FAM91A1: variants seen among roughly 807,000 people sequenced by gnomAD.
FAM91A1 encodes the protein family with sequence similarity 91 member A1, also known as protein FAM91A1.
FAM91A1 carries 41 observed loss-of-function variants against 113.5 expected under a neutral mutation model. The ratio of observed to expected loss-of-function variants is 0.36; its 90% CI spans 0.28 to 0.47. The LOEUF (loss-of-function observed/expected upper bound fraction) is 0.47, where lower values mean the gene tolerates loss of function less well. Among genes scored for constraint, FAM91A1 ranks in the 20% least tolerant of loss-of-function variants. FAM91A1 has a pLI of 1.00. For missense variants in FAM91A1, 696 were observed against 1,001.2 expected (o/e 0.70, Z 4.11); for synonymous variants, 307 against 347.9 (o/e 0.88, Z 1.31).
intron 3 of FAM91A1, among the ~76,000 whole-genome samples, 178 bp downstream of exon 3, chr8:123,775,476 T>A (rs1814960839): frequency 6.6e-6 from 1 of 152,236 alleles, no homozygotes; most frequent in South Asian, 2.1e-4. Flanking sequence ...GTACAAGTAC[T>A]TATCCTTATT....
At chr8:123,784,659 T>G in intron 9 of FAM91A1, 83 bp downstream of exon 9, 25 of 945,266 alleles carry the variant, frequency 2.6e-5, no homozygotes, top group Non-Finnish European at 3.4e-5. Flanking sequence ...AATATGGTAG[T>G]ATCTTTTTAA....
intron 1 of FAM91A1, among the ~76,000 whole-genome samples, chr8:123,771,516 T>C (rs1814836817): frequency 6.6e-6 from 1 of 152,162 alleles, no homozygotes; most frequent in Non-Finnish European, 1.5e-5. Context: ...CATTTTTATG[T>C]GGATGAGAGG....
At position 123,814,345 on chromosome 8, in the gene FAM91A1, T is replaced by C; in HGVS notation, c.*1641T>C. The C allele has an allele frequency of 3.1e-5, 6 of 194,358 alleles. No individual in the cohort carries two copies. Among genetic ancestry groups the C allele is most frequent in the Non-Finnish European group, 5.2e-5 (5 of 95,838 alleles). 12.0% of individuals were successfully genotyped at this position (194,358 alleles called of 1,614,324 possible). A position where few individuals can be genotyped will look rare whatever the true frequency, so the allele number is the denominator to read the frequency against. ...TTTTTCAGCTGAAAGTTGTAAGTATTTTTTTTTTTTGATCGGGGCTCTTTA... is the reference window on the plus strand; with the variant it reads ...TTTTTCAGCTGAAAGTTGTAAGTATCTTTTTTTTTTGATCGGGGCTCTTTA... On this transcript the variant is annotated 3_prime_UTR_variant, in exon 24 of 24. Transcript: ENST00000334705.
chr8:123,798,231 C>G lies in FAM91A1; in HGVS notation c.1553C>G (p.Thr518Ser). The G allele has an allele frequency of 6.2e-7, 1 of 1,613,792 alleles. No individual in the cohort carries two copies. The highest frequency in any genetic ancestry group is 1.1e-5 in the South Asian group (1 of 91,040). Reference protein sequence around the residue: ...TNEIRPVSSCTPQHIGPAIPE... With the variant: ...TNEIRPVSSCSPQHIGPAIPE... ...GAAATCCGGCCTGTCAGCAGCTGCA[C>G]CCCTCAGGTAAAGACCTACTTGGAA... The change falls in exon 16 of 24, where the codon ACC (threonine) becomes AGC (serine). Residue 518 changes from threonine (T) to serine (S), a missense_variant. Thr to Ser is a moderately conservative substitution (Grantham distance 58). Coordinates refer to ENST00000334705, the MANE Select transcript of FAM91A1 (RefSeq NM_144963.4).
chr8:123,792,997 GC>G (rs1815424719), intron 15 of FAM91A1, among the ~76,000 whole-genome samples: 2 of 152,070 alleles, frequency 1.3e-5, no homozygotes, highest in East Asian at 3.9e-4. Flanking sequence ...CCTTCTTCCA[GC>G]CCCATGAACT....
At position 123,789,782 on chromosome 8, in the gene FAM91A1, T is replaced by C; in HGVS notation, c.1411+37T>C. On this transcript the variant is annotated intron_variant, in intron 15 of 23. Transcript: ENST00000334705. ...ATATTTAATTTTGAAGACATGATCA[T>C]ATGAAACTTTTTTCTAAGAAATTAA... is the stretch of plus-strand genomic sequence containing the variant. 5 of 1,594,636 alleles carry C rather than the reference T, an allele frequency of 3.1e-6. No individual in the cohort carries two copies. In the East Asian group the frequency reaches 9.0e-5, roughly 29 times the overall value.
At chr8:123,798,923 A>G (rs538209827) in intron 16 of FAM91A1, among the ~76,000 whole-genome samples, 2 of 152,350 alleles carry the variant, frequency 1.3e-5, no homozygotes, top group South Asian at 4.1e-4. Context: ...TTAGTATTCA[A>G]CAAGAGATTT....
intron 1 of FAM91A1, among the ~76,000 whole-genome samples, chr8:123,770,292 C>T (rs1005318117): frequency 6.6e-6 from 1 of 152,198 alleles, no homozygotes; most frequent in Non-Finnish European, 1.5e-5. Context: ...TGCTCCCTTC[C>T]TCCCTTGGGG....
chr8:123,774,861 G>T (rs1320723249), intron 2 of FAM91A1, among the ~76,000 whole-genome samples: 1 of 152,088 alleles, frequency 6.6e-6, no homozygotes, highest in Admixed American at 6.6e-5. Context: ...ATTCAATAAA[G>T]CTCTGTTTTG....
chr8:123,797,652 C>T (rs962518482), intron 15 of FAM91A1, among the ~76,000 whole-genome samples: 1 of 152,018 alleles, frequency 6.6e-6, no homozygotes, highest in Admixed American at 6.6e-5. Flanking sequence ...ATTAACTGTT[C>T]GTATTATTGG....
chr8:123,778,167 A>G, intron 5 of FAM91A1, 75 bp downstream of exon 5: 1 of 1,104,396 alleles, frequency 9.1e-7, no homozygotes, highest in East Asian at 2.5e-5. Context: ...TGGTAGAAAT[A>G]ATGAATTGTA....
At position 123,796,715 on chromosome 8, in the gene FAM91A1, C is replaced by G. The variant is rs1423037029; in HGVS notation, c.1412-1375C>G. On this transcript the variant is annotated intron_variant, in intron 15 of 23. Coordinates refer to ENST00000334705, the MANE Select transcript of FAM91A1 (RefSeq NM_144963.4). ...CTCGTGGTCTGCCCACCTCGGCCTC[C>G]CAGAGTACTGGGATTACAGGCATGA... Among the ~76,000 whole-genome samples, 4 of 150,712 alleles carry G rather than the reference C, an allele frequency of 2.7e-5. No individual in the cohort carries two copies. In the East Asian group the frequency reaches 8.0e-4, roughly 30 times the overall value.
Position 123,768,474 on chromosome 8 carries a change from C to G in FAM91A1, c.-229C>G. The stretch of plus-strand genomic sequence containing the variant: ...CCGGCGGCCCGAAACTAGGAAGAAA[C>G]TTGGAGCTGTTCAGGCGATCCAGCC... On this transcript the variant is annotated 5_prime_UTR_variant, in exon 1 of 24. Transcript: ENST00000334705. 1 of 456,186 alleles carries G rather than the reference C, an allele frequency of 2.2e-6. No homozygotes were observed. The highest frequency in any genetic ancestry group is 3.9e-6 in the Non-Finnish European group (1 of 259,656). 28.3% of individuals were successfully genotyped at this position (456,186 alleles called of 1,614,324 possible).
At chr8:123,788,244 C>T (rs1815305141) in intron 14 of FAM91A1, 1 of 985,166 alleles carries the variant, frequency 1.0e-6, no homozygotes, top group Non-Finnish European at 1.2e-6. Flanking sequence ...CCACCTTTTT[C>T]CCCGTGAGTA....
At chr8:123,787,185 A>G (rs1382821161) in intron 12 of FAM91A1, 76 bp from the exon 13 acceptor site, 12 of 1,124,912 alleles carry the variant, frequency 1.1e-5, no homozygotes, top group Non-Finnish European at 1.6e-5. Context: ...TAAAGCTGAA[A>G]TGAAATACTT....
chr8:123,782,613 T>C (rs1815151849), intron 8 of FAM91A1, among the ~76,000 whole-genome samples: 1 of 152,244 alleles, frequency 6.6e-6, no homozygotes, highest in Non-Finnish European at 1.5e-5. Context: ...CTGTAGGATA[T>C]AGAAATAGTC....
At chr8:123,796,881 G>A (rs1307004213) in intron 15 of FAM91A1, among the ~76,000 whole-genome samples, 1 of 151,244 alleles carries the variant, frequency 6.6e-6, no homozygotes. Flanking sequence ...GGCCAACATG[G>A]TGAAACCTGT....
chr8:123,771,334 G>A (rs562863704), intron 1 of FAM91A1, among the ~76,000 whole-genome samples: 1 of 152,066 alleles, frequency 6.6e-6, no homozygotes, highest in Non-Finnish European at 1.5e-5. Flanking sequence ...TTAAACTTGG[G>A]GAATATTCCT....
intron 1 of FAM91A1, among the ~76,000 whole-genome samples, chr8:123,769,687 T>A (rs1208920580): frequency 6.6e-6 from 1 of 152,054 alleles, no homozygotes; most frequent in Non-Finnish European, 1.5e-5. Flanking sequence ...AAAGACTGCC[T>A]TCATGGAGCT....
Sources: allele counts gnomAD v4.1 joint callset (sites outside exome capture counted in the v4.1 genomes callset), GRCh38; gene constraint gnomAD v4.1.1; transcripts MANE v1.5; gene names NCBI Gene and HGNC (gene_info 2026-07-23, HGNC 2026-07-21).